Variants in IRS2 observed in about 807,000 individuals in gnomAD.
IRS2 encodes the protein insulin receptor substrate 2.
IRS2 carries 28 observed loss-of-function variants against 70.9 expected under a neutral mutation model. The ratio of observed to expected loss-of-function variants is 0.39; its 90% CI spans 0.29 to 0.54. IRS2 has a LOEUF of 0.54. IRS2 is among the 20% of genes least tolerant of loss of function. IRS2 has a pLI of 0.59. For synonymous variants in IRS2, 1,217 were observed against 981.9 expected, an observed-to-expected ratio of 1.24 and a Z score of -4.48; for missense variants, 2,081 against 2,024.1, an observed-to-expected ratio of 1.03 and a Z score of -0.54.
Position 109,786,210 on chromosome 13 carries a change from G to A in IRS2, c.-157C>T, listed in dbSNP as rs1010997745. On this transcript the variant is annotated 5_prime_UTR_variant, in exon 1 of 2. Transcript: ENST00000375856. The surrounding 1 kb of genome is among the most constrained non-coding windows in gnomAD (Gnocchi z 4.4). Reference sequence around the variant, plus strand: ...GCCCAGGCGGTGGGGAAGGTCCGGGGAGGCCCGCGGGGGCCAGCACCGCTC... The same window carrying A: ...GCCCAGGCGGTGGGGAAGGTCCGGGAAGGCCCGCGGGGGCCAGCACCGCTC... The A allele has an allele frequency of 3.9e-6, 1 of 254,658 alleles. No homozygotes were observed. The highest frequency in any genetic ancestry group is 6.1e-6 in the Non-Finnish European group (1 of 164,512). 15.8% of individuals were successfully genotyped at this position (254,658 alleles called of 1,614,324 possible).
chr13:109,761,133 GGGAGGCCCC>G (rs1394719742), intron 1 of IRS2, among the ~76,000 whole-genome samples: 1 of 152,178 alleles, frequency 6.6e-6, no homozygotes, highest in Non-Finnish European at 1.5e-5. Flanking sequence ...GCTCTGCCCA[GGGAGGCCCC>G]GGTCCTCTCT....
intron 1 of IRS2, among the ~76,000 whole-genome samples, chr13:109,758,068 T>A (rs903952515): frequency 2.0e-5 from 3 of 152,258 alleles, no homozygotes; most frequent in Non-Finnish European, 4.4e-5. Flanking sequence ...CAGAATTAAT[T>A]TCTTCCTAAG....
At chr13:109,759,205 T>G (rs1474228155) in intron 1 of IRS2, among the ~76,000 whole-genome samples, 3 of 152,152 alleles carry the variant, frequency 2.0e-5, no homozygotes, top group Non-Finnish European at 4.4e-5. Flanking sequence ...AACGGCCGCC[T>G]CCTTTCACGG....
intron 1 of IRS2, among the ~76,000 whole-genome samples, chr13:109,769,938 C>A (rs898088307): frequency 7.9e-5 from 12 of 152,220 alleles, no homozygotes; most frequent in Non-Finnish European, 1.3e-4. Flanking sequence ...CAACTTTCTA[C>A]CTTTCTCAAG....
intron 1 of IRS2, among the ~76,000 whole-genome samples, chr13:109,780,643 G>A (rs957333786): frequency 1.3e-5 from 2 of 152,108 alleles, no homozygotes; most frequent in Admixed American, 1.3e-4. Flanking sequence ...CACTAAACTG[G>A]TCTATTTAAG....
chr13:109,755,214 CT>C lies in IRS2; in HGVS notation c.*1089del, dbSNP rs375324802. 6.2e-4 allele frequency: 129 copies of C among 208,630 alleles called. No homozygotes were observed. The highest frequency in any genetic ancestry group is 1.6e-3 in the East Asian group (24 of 14,868). The allele number at this position is 208,630 out of a possible 1,614,324, so 12.9% of individuals were successfully genotyped here. On this transcript the variant is annotated 3_prime_UTR_variant, in exon 2 of 2. Coordinates refer to ENST00000375856, the MANE Select transcript of IRS2 (RefSeq NM_003749.3). ...CTCTTTTTATCAGTTTCTTTCTTTCCTTTTTTTTTTTTCTTTTTGTTTTTTT... is the reference window on the plus strand; with the variant it reads ...CTCTTTTTATCAGTTTCTTTCTTTCCTTTTTTTTTTTCTTTTTGTTTTTTT...
rs1238451521 is a variant in IRS2, at chr13:109,785,609, C to T, written c.445G>A (p.Ala149Thr). ...LTDLVSEGRA[A>T]AGDAPPAAAP... ...GCGGCGGGGGGCGCGTCTCCGGCGG[C>T]CGCGCGGCCCTCGCTGACCAGGTCG... is the stretch of plus-strand genomic sequence containing the variant. Residue 149 changes from alanine (A) to threonine (T), a missense_variant, in exon 1 of 2, where the codon GCC becomes ACC. Transcript: ENST00000375856. This position sits in a 1 kb window ranked among gnomAD's most constrained non-coding sequence, Gnocchi z 9.3. The T allele has an allele frequency of 7.3e-7, 1 of 1,374,326 alleles. No individual in the cohort carries two copies. The highest frequency in any genetic ancestry group is 1.7e-5 in the South Asian group (1 of 57,430). The allele number at this position is 1,374,326 out of a possible 1,614,324, so 85.1% of individuals were successfully genotyped here.
chr13:109,755,971 G>A lies in IRS2; in HGVS notation c.*333C>T, dbSNP rs1877098308. ...TGCTTTGCCAAAAGGAAAAGAAGAA[G>A]AAATTAAAAGACACTGGCCACAATT... On this transcript the variant is annotated 3_prime_UTR_variant, in exon 2 of 2. Coordinates refer to ENST00000375856, the MANE Select transcript of IRS2 (RefSeq NM_003749.3). The A allele has an allele frequency of 2.5e-6, 1 of 403,348 alleles. No individual in the cohort carries two copies. Among genetic ancestry groups the A allele is most frequent in the Non-Finnish European group, 4.5e-6 (1 of 220,000 alleles). The allele number at this position is 403,348 out of a possible 1,614,324, so 25.0% of individuals were successfully genotyped here.
chr13:109,764,814 C>A (rs903842110), intron 1 of IRS2, among the ~76,000 whole-genome samples: 3 of 152,256 alleles, frequency 2.0e-5, no homozygotes, highest in African/African-American at 7.2e-5. Flanking sequence ...AAACAACTGC[C>A]GAATGCACAA....
intron 1 of IRS2, among the ~76,000 whole-genome samples, chr13:109,776,727 T>A (rs1877587459): frequency 6.6e-6 from 1 of 152,242 alleles, no homozygotes; most frequent in South Asian, 2.1e-4. Flanking sequence ...GTAGCAATCA[T>A]CAACCCCATC....
chr13:109,785,929 T>G lies in IRS2; in HGVS notation c.125A>C (p.His42Pro). 6.7e-7 allele frequency: 1 copy of G among 1,498,622 alleles called. No homozygotes were observed. The highest frequency in any genetic ancestry group is 8.8e-7 in the Non-Finnish European group (1 of 1,130,052). 92.8% of individuals were successfully genotyped at this position (1,498,622 alleles called of 1,614,324 possible). The change falls in exon 1 of 2, where the codon CAT becomes CCT. Residue 42 changes from histidine (H) to proline (P), a missense_variant. Coordinates refer to ENST00000375856, the MANE Select transcript of IRS2 (RefSeq NM_003749.3). This position sits in a 1 kb window ranked among gnomAD's most constrained non-coding sequence, Gnocchi z 9.3. ...CAGCACGAAGAAGCGCTTGTGGCCA[T>G]GCTTCTGCTTGCGCAGGTAGCCGCA... ...RKCGYLRKQK[H>P]GHKRFFVLRG...
In IRS2 at chr13:109,784,944, G is replaced by A. The variant is rs1877870185; in HGVS notation, c.1110C>T (p.Gly370=). ...CCGCGGCCGCCGCTCCCGCCGCCGC[G>A]CCGCCGTCGCCCTCGCTGGCGGTGC... is the stretch of plus-strand genomic sequence containing the variant. The part of the protein sequence containing the change: ...RVRTASEGDG[G]AAAGAAAAGA... The change falls in exon 1 of 2, where the codon GGC becomes GGT. Residue 370 remains glycine (G), a synonymous_variant. Transcript: ENST00000375856. The surrounding 1 kb of genome is among the most constrained non-coding windows in gnomAD (Gnocchi z 5.2). The A allele has an allele frequency of 2.7e-6, 3 of 1,128,524 alleles. No individual in the cohort carries two copies. Among genetic ancestry groups the A allele is most frequent in the Non-Finnish European group, 1.1e-6 (1 of 922,588 alleles). The allele number at this position is 1,128,524 out of a possible 1,614,324, so 69.9% of individuals were successfully genotyped here.
At position 109,785,655 on chromosome 13, in the gene IRS2, C is replaced by T; in HGVS notation, c.399G>A (p.Glu133=). 1 of 1,591,260 alleles carries T rather than the reference C, an allele frequency of 6.3e-7. No homozygotes were observed. Among genetic ancestry groups the T allele is most frequent in the South Asian group, 1.1e-5 (1 of 89,096 alleles). ...AVAAENEQEQ[E]GWYRALTDLV... The stretch of plus-strand genomic sequence containing the variant: ...GGTCGGTGAGCGCGCGGTACCAGCC[C>T]TCCTGCTCCTGCTCGTTCTCGGCGG... Residue 133 remains glutamate (E), a synonymous_variant, in exon 1 of 2, where the codon GAG becomes GAA. Transcript: ENST00000375856. This position sits in a 1 kb window ranked among gnomAD's most constrained non-coding sequence, Gnocchi z 9.3.
chr13:109,767,045 G>A (rs74813511), intron 1 of IRS2, among the ~76,000 whole-genome samples: 2,098 of 152,320 alleles, frequency 0.014, 46 homozygotes, highest in African/African-American at 0.047. Flanking sequence ...CACACCAGAG[G>A]ACCCAGATCT....
chr13:109,784,578 G>T lies in IRS2; in HGVS notation c.1476C>A (p.Pro492=), dbSNP rs753788054. The T allele has an allele frequency of 1.1e-5, 15 of 1,386,588 alleles. No individual in the cohort carries two copies. The highest frequency in any genetic ancestry group is 1.5e-5 in the African/African-American group (1 of 66,278). The allele number at this position is 1,386,588 out of a possible 1,614,324, so 85.9% of individuals were successfully genotyped here. ...SSGSASASGS[P]SDPGFMSLDE... is the part of the protein sequence containing the mutation. ...CCAGGGACATGAAGCCGGGGTCGCT[G>T]GGGGAGCCCGAGGCGGAGGCGCTGC... Residue 492 remains proline (P), a synonymous_variant, in exon 1 of 2, where the codon CCC becomes CCA. Transcript: ENST00000375856. This position sits in a 1 kb window ranked among gnomAD's most constrained non-coding sequence, Gnocchi z 5.2.
intron 1 of IRS2, among the ~76,000 whole-genome samples, chr13:109,760,381 T>C (rs376230157): frequency 1.3e-5 from 2 of 152,256 alleles, no homozygotes; most frequent in African/African-American, 2.4e-5. Flanking sequence ...CTGATACTCA[T>C]TGAATTTGTC....
chr13:109,785,529 G>A lies in IRS2; in HGVS notation c.525C>T (p.Ala175=), dbSNP rs759375997. 2 of 1,590,920 alleles carry A rather than the reference G, an allele frequency of 1.3e-6. No individual in the cohort carries two copies. Among genetic ancestry groups the A allele is most frequent in the African/African-American group, 1.3e-5 (1 of 74,074 alleles). Residue 175 remains alanine (A), a synonymous_variant, in exon 1 of 2, where the codon GCC becomes GCT. Coordinates refer to ENST00000375856, the MANE Select transcript of IRS2 (RefSeq NM_003749.3). This position sits in a 1 kb window ranked among gnomAD's most constrained non-coding sequence, Gnocchi z 9.3. ...AGCTGTCCTCGGCCCCGGCGGCGCC[G>A]GCAGAGCCGCCCAGGGCGCCGGGCA... ...ASLPGALGGS[A]GAAGAEDSYG...
intron 1 of IRS2, among the ~76,000 whole-genome samples, chr13:109,764,748 T>C (rs917997487): frequency 6.6e-5 from 10 of 152,206 alleles, no homozygotes; most frequent in Non-Finnish European, 1.5e-4. Flanking sequence ...CTCTTCCTCG[T>C]TCAAAATTGT....
chr13:109,784,562 T>A lies in IRS2; in HGVS notation c.1492A>T (p.Met498Leu). 6 of 1,429,000 alleles carry A rather than the reference T, an allele frequency of 4.2e-6. No individual in the cohort carries two copies. Among genetic ancestry groups the A allele is most frequent in the Non-Finnish European group, 5.5e-6 (6 of 1,096,736 alleles). 88.5% of individuals were successfully genotyped at this position (1,429,000 alleles called of 1,614,324 possible). The part of the protein sequence containing the change: ...ASGSPSDPGF[M>L]SLDEYGSSPG... ...CTGGAGCCGTACTCGTCCAGGGACA[T>A]GAAGCCGGGGTCGCTGGGGGAGCCC... The change falls in exon 1 of 2, where the codon ATG becomes TTG. Residue 498 changes from methionine to leucine, a missense_variant. By Grantham distance (15) the Met-to-Leu change is conservative. Transcript: ENST00000375856. This position sits in a 1 kb window ranked among gnomAD's most constrained non-coding sequence, Gnocchi z 5.2.
Sources: allele counts gnomAD v4.1 joint callset (sites outside exome capture counted in the v4.1 genomes callset), GRCh38; gene constraint gnomAD v4.1.1; non-coding constraint Gnocchi (gnomAD v3.1); transcripts MANE v1.5; gene names NCBI Gene and HGNC (gene_info 2026-07-23, HGNC 2026-07-21).